PTPN4: variants seen among roughly 807,000 people sequenced by gnomAD.
PTPN4 encodes the protein protein tyrosine phosphatase non-receptor type 4.
A neutral mutation model predicts 135.5 loss-of-function variants in PTPN4; 49 were observed. The ratio of observed to expected loss-of-function variants is 0.36; its 90% CI spans 0.29 to 0.46. The LOEUF is 0.46. Ranked by LOEUF, PTPN4 falls within the 20% of genes least tolerant of loss-of-function variation. The probability of loss-of-function intolerance (pLI) is 1.00; values close to 1 mark genes in which losing one functional copy is unlikely to be tolerated. For missense variants in PTPN4, 860 were observed against 1,101.0 expected, an observed-to-expected ratio of 0.78 and a Z score of 3.10; for synonymous variants, 333 against 369.9, an observed-to-expected ratio of 0.90 and a Z score of 1.14.
chr2:119,903,114 G>A (rs557179267), intron 10 of PTPN4, among the ~76,000 whole-genome samples: 3 of 152,188 alleles, frequency 2.0e-5, no homozygotes, highest in African/African-American at 4.8e-5. Context: ...CTTCACCCTG[G>A]GGAATGGGCA....
Position 119,977,145 on chromosome 2 carries a change from A to G in PTPN4, c.*75A>G. Reference sequence around the variant, plus strand: ...TTCACTGTGCCATAATGCTGCTCGCAGGAAATGGCATTTTACAAAAAAAAA... The same window carrying G: ...TTCACTGTGCCATAATGCTGCTCGCGGGAAATGGCATTTTACAAAAAAAAA... On this transcript the variant is annotated 3_prime_UTR_variant, in exon 27 of 27. Transcript: ENST00000263708. The G allele has an allele frequency of 1.4e-6, 2 of 1,405,728 alleles. No individual in the cohort carries two copies. The highest frequency in any genetic ancestry group is 1.9e-6 in the Non-Finnish European group (2 of 1,076,894). 87.1% of individuals were successfully genotyped at this position (1,405,728 alleles called of 1,614,324 possible).
At chr2:119,958,216 T>C (rs1025457869) in intron 22 of PTPN4, among the ~76,000 whole-genome samples, 9 of 151,820 alleles carry the variant, frequency 5.9e-5, no homozygotes, top group African/African-American at 2.2e-4. Flanking sequence ...GCATGCCTGT[T>C]GTCCCAGCTA....
intron 1 of PTPN4, among the ~76,000 whole-genome samples, chr2:119,777,205 C>T (rs545747635): frequency 3.3e-5 from 5 of 152,318 alleles, no homozygotes; most frequent in Non-Finnish European, 7.3e-5. Flanking sequence ...CATGTTTGTT[C>T]TTCCTTCTGC....
At position 119,874,604 on chromosome 2, in the gene PTPN4, G is replaced by T. The variant is rs560803501; in HGVS notation, c.247-2719G>T. Among the ~76,000 whole-genome samples the T allele has an allele frequency of 7.9e-5, 12 of 152,252 alleles. No individual in the cohort carries two copies. The South Asian group carries it at 2.3e-3, about 29-fold the overall frequency. ...CAGAATGTAGGTTAGTGATTGTTAG[G>T]GGCAACAGGGAAGGGTACATTGAGA... On this transcript the variant is annotated intron_variant, in intron 3 of 26. Transcript: ENST00000263708.
At chr2:119,794,239 T>G (rs538000537) in intron 1 of PTPN4, among the ~76,000 whole-genome samples, 7 of 152,170 alleles carry the variant, frequency 4.6e-5, no homozygotes, top group Non-Finnish European at 1.0e-4. Flanking sequence ...TGTTATAGGA[T>G]CCGTGGGATA....
chr2:119,925,953 T>C (rs1678817923), intron 12 of PTPN4, among the ~76,000 whole-genome samples: 1 of 152,214 alleles, frequency 6.6e-6, no homozygotes, highest in Admixed American at 6.5e-5. Flanking sequence ...GTCATGGTAG[T>C]ATTTCTCATT....
intron 2 of PTPN4, among the ~76,000 whole-genome samples, chr2:119,815,872 A>G (rs1172221644): frequency 6.6e-6 from 1 of 152,210 alleles, no homozygotes; most frequent in Non-Finnish European, 1.5e-5. Flanking sequence ...AATGCACAAA[A>G]CAGTGCAGTA....
chr2:119,911,463 A>G (rs1460363120), intron 10 of PTPN4, among the ~76,000 whole-genome samples: 5 of 152,140 alleles, frequency 3.3e-5, no homozygotes, highest in Admixed American at 6.6e-5. Flanking sequence ...ATGATTTAAA[A>G]AAATAAAGAC....
intron 11 of PTPN4, among the ~76,000 whole-genome samples, chr2:119,918,258 A>G (rs1678686341): frequency 6.6e-6 from 1 of 152,226 alleles, no homozygotes; most frequent in Non-Finnish European, 1.5e-5. Context: ...CACAGGAAAT[A>G]TCTTAATGAC....
intron 10 of PTPN4, among the ~76,000 whole-genome samples, chr2:119,912,640 G>A (rs1055941765): frequency 3.3e-5 from 5 of 152,132 alleles, no homozygotes; most frequent in Admixed American, 6.5e-5. Flanking sequence ...ATAAATCCAA[G>A]TATGTTAATT....
At chr2:119,955,087 G>A in intron 19 of PTPN4, 70 bp from the exon 20 acceptor site, 1 of 1,345,032 alleles carries the variant, frequency 7.4e-7, no homozygotes, top group South Asian at 1.4e-5. Flanking sequence ...CAGTGTATCT[G>A]GTAAATTCCT....
intron 22 of PTPN4, among the ~76,000 whole-genome samples, chr2:119,959,381 T>C (rs1366303277): frequency 6.6e-6 from 1 of 152,186 alleles, no homozygotes; most frequent in Non-Finnish European, 1.5e-5. Flanking sequence ...CACCTGAGAT[T>C]GAAAGAGCAA....
chr2:119,794,056 C>T (rs1018396335), intron 1 of PTPN4, among the ~76,000 whole-genome samples: 4 of 151,618 alleles, frequency 2.6e-5, no homozygotes, highest in African/African-American at 9.7e-5. Context: ...CCATATTGTC[C>T]AGGCTGGTCT....
intron 3 of PTPN4, among the ~76,000 whole-genome samples, chr2:119,863,229 A>G (rs1478620578): frequency 2.0e-5 from 3 of 152,104 alleles, no homozygotes; most frequent in Non-Finnish European, 4.4e-5. Context: ...ATAGCATGTG[A>G]TGAATAATAG....
At chr2:119,831,464 A>G (rs1385949191) in intron 2 of PTPN4, among the ~76,000 whole-genome samples, 1 of 152,218 alleles carries the variant, frequency 6.6e-6, no homozygotes, top group Non-Finnish European at 1.5e-5. Flanking sequence ...TTATAGAAGC[A>G]CCACGTTGTC....
chr2:119,964,117 T>C (rs1193192237), intron 24 of PTPN4, among the ~76,000 whole-genome samples: 2 of 152,216 alleles, frequency 1.3e-5, no homozygotes, highest in African/African-American at 4.8e-5. Flanking sequence ...TCAGTGTAAA[T>C]GGCAATAACC....
chr2:119,880,105 A>T (rs1352861169), intron 5 of PTPN4: 1 of 152,110 alleles, frequency 6.6e-6, no homozygotes, highest in Non-Finnish European at 1.5e-5. Context: ...TGCTAGCATC[A>T]TTAGAACTGA....
chr2:119,958,823 T>C (rs990349292), intron 22 of PTPN4, among the ~76,000 whole-genome samples: 9 of 152,182 alleles, frequency 5.9e-5, no homozygotes, highest in African/African-American at 2.2e-4. Context: ...AACTCATGCC[T>C]CAAGGAAGCT....
intron 1 of PTPN4, among the ~76,000 whole-genome samples, chr2:119,808,513 C>T (rs1193888727): frequency 6.6e-6 from 1 of 152,190 alleles, no homozygotes; most frequent in East Asian, 1.9e-4. Flanking sequence ...ATCCAACTTA[C>T]AAGGGATGTG....
Sources: gnomAD v4.1 joint callset for allele counts (sites outside exome capture counted in the v4.1 genomes callset) on GRCh38, gnomAD v4.1.1 for gene constraint, MANE v1.5 for transcripts, NCBI Gene and HGNC (gene_info 2026-07-23, HGNC 2026-07-21) for gene names.